NEDD9: variants seen among roughly 807,000 people sequenced by gnomAD.
NEDD9 encodes enhancer of filamentation 1.
A neutral mutation model predicts 76.6 loss-of-function variants in NEDD9; 26 were observed. The ratio of observed to expected loss-of-function variants is 0.34; its 90% confidence interval spans 0.25 to 0.47. The LOEUF is 0.47. NEDD9 is among the 20% of genes least tolerant of loss of function. The pLI, the probability that NEDD9 is intolerant of heterozygous loss-of-function variation, is 1.00. For synonymous variants in NEDD9, 392 were observed against 414.2 expected (o/e 0.95, Z 0.65); for missense variants, 937 against 1,058.5 (o/e 0.89, Z 1.59).
At position 11,185,248 on chromosome 6, in the gene NEDD9, G is replaced by C. The variant is rs765006904; in HGVS notation, c.2419C>G (p.Leu807Val). The C allele has an allele frequency of 1.9e-6, 3 of 1,614,110 alleles. No homozygotes were observed. The highest frequency in any genetic ancestry group is 2.5e-6 in the Non-Finnish European group (3 of 1,180,030). The change falls in exon 7 of 7, where the codon CTG becomes GTG. Residue 807 changes from leucine (L) to valine (V), a missense_variant. Physicochemically the swap from Leu to Val is conservative, Grantham distance 32 (BLOSUM62 1). Transcript: ENST00000379446. The part of the protein sequence containing the change: ...AALHYPSTTA[L>V]QEMVHQVTDL... ...GTCACTTGGTGCACCATTTCCTGCA[G>C]GGCCGTGGTGCTGGGGTAATGGAGG...
chr6:11,292,340 G>A (rs1442595929), intron 3 of NEDD9, among the ~76,000 whole-genome samples: 3 of 152,196 alleles, frequency 2.0e-5, no homozygotes, highest in African/African-American at 7.2e-5. Context: ...TCTGGACCTT[G>A]GTCAGCGTCT....
intron 2 of NEDD9, chr6:11,199,713 T>G (rs1203985196): frequency 8.0e-6 from 1 of 125,242 alleles, no homozygotes; most frequent in Admixed American, 1.0e-4. Context: ...CAGGCTGGAG[T>G]GCAGTGGTGA....
At chr6:11,339,939 C>T (rs1762240755) in intron 1 of NEDD9, among the ~76,000 whole-genome samples, 1 of 152,140 alleles carries the variant, frequency 6.6e-6, no homozygotes, top group Non-Finnish European at 1.5e-5. Flanking sequence ...ATGGTTGATT[C>T]CAAATGTGAG....
chr6:11,347,626 T>A (rs12154199), intron 1 of NEDD9, among the ~76,000 whole-genome samples: 40 of 152,148 alleles, frequency 2.6e-4, no homozygotes, highest in Admixed American at 3.3e-4. Flanking sequence ...TCCCTGGGAC[T>A]CAAGGCTTGT....
At chr6:11,297,718 A>T (rs530762678) in intron 3 of NEDD9, among the ~76,000 whole-genome samples, 1 of 152,298 alleles carries the variant, frequency 6.6e-6, no homozygotes, top group East Asian at 1.9e-4. Context: ...GCCAAACACA[A>T]TTCTAAGCAA....
chr6:11,341,720 C>T (rs1762275771), intron 1 of NEDD9, among the ~76,000 whole-genome samples: 1 of 152,130 alleles, frequency 6.6e-6, no homozygotes, highest in African/African-American at 2.4e-5. Context: ...TTGAAGAGTG[C>T]TGAGCTAGAG....
intron 2 of NEDD9, among the ~76,000 whole-genome samples, chr6:11,319,449 T>TAC (rs894619174): frequency 2.8e-5 from 4 of 144,230 alleles, no homozygotes; most frequent in South Asian, 2.3e-4. Flanking sequence ...CACTAACATG[T>TAC]ACACACACAC....
intron 2 of NEDD9, chr6:11,306,179 A>G: frequency 1.3e-6 from 1 of 746,614 alleles, no homozygotes. Context: ...ATAGAGATGG[A>G]AAGGTTGGTA....
chr6:11,257,516 T>C (rs1760026602), intron 3 of NEDD9, among the ~76,000 whole-genome samples: 1 of 152,200 alleles, frequency 6.6e-6, no homozygotes, highest in African/African-American at 2.4e-5. Flanking sequence ...GCCCCCCAAA[T>C]AGACCATGTG....
chr6:11,353,806 G>C (rs1043244708), intron 1 of NEDD9, among the ~76,000 whole-genome samples: 1 of 152,178 alleles, frequency 6.6e-6, no homozygotes, highest in African/African-American at 2.4e-5. Context: ...ATGGAATAGG[G>C]GCAGGTGATT....
chr6:11,221,623 G>A (rs1378100222), intron 1 of NEDD9, among the ~76,000 whole-genome samples: 1 of 152,096 alleles, frequency 6.6e-6, no homozygotes, highest in Non-Finnish European at 1.5e-5. Flanking sequence ...TTTCCCCACC[G>A]GACAAGGATG....
At chr6:11,343,200 C>T (rs541189644) in intron 1 of NEDD9, among the ~76,000 whole-genome samples, 4 of 152,132 alleles carry the variant, frequency 2.6e-5, no homozygotes, top group Middle Eastern at 3.4e-3. Context: ...GAGGCTGAGG[C>T]GGGTGGATCA....
intron 3 of NEDD9, among the ~76,000 whole-genome samples, chr6:11,292,827 C>T (rs577668327): frequency 1.3e-5 from 2 of 152,298 alleles, no homozygotes; most frequent in African/African-American, 2.4e-5. Flanking sequence ...ATCCTCTAAG[C>T]ACAGACCTCC....
intron 1 of NEDD9, among the ~76,000 whole-genome samples, chr6:11,223,663 C>T (rs919349748): frequency 6.6e-6 from 1 of 152,166 alleles, no homozygotes; most frequent in African/African-American, 2.4e-5. Context: ...TCAGGTGCTG[C>T]GGGCTATGAG....
intron 1 of NEDD9, among the ~76,000 whole-genome samples, chr6:11,342,717 C>A (rs1762296898): frequency 6.6e-6 from 1 of 151,992 alleles, no homozygotes; most frequent in Non-Finnish European, 1.5e-5. Flanking sequence ...AGAAACCACA[C>A]AAAGAATGAA....
Position 11,191,204 on chromosome 6 carries a change from A to T in NEDD9, c.665T>A (p.Val222Glu), listed in dbSNP as rs1056456587. 6.3e-7 allele frequency: 1 copy of T among 1,582,722 alleles called. No homozygotes were observed. Among genetic ancestry groups the T allele is most frequent in the African/African-American group, 1.4e-5 (1 of 73,592 alleles). The change falls in exon 5 of 7, where the codon GTA (valine) becomes GAA (glutamate). Residue 222 changes from valine (V) to glutamate (E), a missense_variant and splice_region_variant. Val to Glu is a moderately radical substitution (Grantham distance 121). Transcript: ENST00000379446. ...GVYDIPPTKG[V>E]YAIPPSACRD... ...GCAAGCAGAGGGCGGAATGGCATAT[A>T]CCTGCAAAGCAAGTAGAAAGCGAAA...
intron 3 of NEDD9, among the ~76,000 whole-genome samples, chr6:11,294,930 G>A (rs1193993208): frequency 2.0e-5 from 3 of 152,222 alleles, no homozygotes; most frequent in Non-Finnish European, 4.4e-5. Context: ...TTCCCGTGCT[G>A]TTCTTATGGC....
intron 1 of NEDD9, among the ~76,000 whole-genome samples, chr6:11,359,584 A>G (rs1762639939): frequency 6.6e-6 from 1 of 152,362 alleles, no homozygotes; most frequent in East Asian, 1.9e-4. Flanking sequence ...TTTGCCCCAC[A>G]TTCTTCTAGA....
At chr6:11,277,565 CAG>C (rs1375040794) in intron 3 of NEDD9, among the ~76,000 whole-genome samples, 3 of 152,158 alleles carry the variant, frequency 2.0e-5, no homozygotes, top group Admixed American at 6.5e-5. Context: ...AGAAAAGGCT[CAG>C]AGAGCAGCGC....
Sources: allele counts gnomAD v4.1 joint callset (sites outside exome capture counted in the v4.1 genomes callset), GRCh38; gene constraint gnomAD v4.1.1; transcripts MANE v1.5; gene names NCBI Gene and HGNC (gene_info 2026-07-23, HGNC 2026-07-21).